BICC1: variants seen among roughly 807,000 people sequenced by gnomAD.
The protein encoded by BICC1 is protein bicaudal C homolog 1.
BICC1 carries 43 observed loss-of-function variants against 111.0 expected under a neutral mutation model. That is an observed-to-expected ratio of 0.39 (90% CI 0.30 to 0.50). The LOEUF (loss-of-function observed/expected upper bound fraction) is 0.50, where lower values mean the gene tolerates loss of function less well. Among genes scored for constraint, BICC1 ranks in the 20% least tolerant of loss-of-function variants. BICC1 has a pLI of 0.88. For synonymous variants in BICC1, 467 were observed against 434.4 expected (o/e 1.07, Z -0.93); for missense variants, 1,091 against 1,203.2 (o/e 0.91, Z 1.38).
intron 2 of BICC1, among the ~76,000 whole-genome samples, chr10:58,684,120 C>T (rs907745356): frequency 2.0e-5 from 3 of 152,190 alleles, no homozygotes; most frequent in East Asian, 1.9e-4. Context: ...TTTTCTGCAT[C>T]TGTTGAGATA....
intron 20 of BICC1, chr10:58,824,126 T>A: frequency 1.0e-6 from 1 of 982,244 alleles, no homozygotes; most frequent in Non-Finnish European, 1.2e-6. Flanking sequence ...CTCAGATTTG[T>A]ATTCCTGATG....
intron 1 of BICC1, among the ~76,000 whole-genome samples, chr10:58,604,239 C>T (rs182854654): frequency 9.2e-5 from 14 of 152,290 alleles, no homozygotes; most frequent in Admixed American, 2.0e-4. Flanking sequence ...ACTCCTGAGA[C>T]TTGCTACTGC....
At chr10:58,696,053 A>G (rs940588730) in intron 2 of BICC1, among the ~76,000 whole-genome samples, 1 of 152,190 alleles carries the variant, frequency 6.6e-6, no homozygotes, top group Admixed American at 6.6e-5. Context: ...TTGTAATTCT[A>G]GCTTTTGTAA....
chr10:58,544,335 A>C (rs1373494044), intron 1 of BICC1, among the ~76,000 whole-genome samples: 1 of 152,206 alleles, frequency 6.6e-6, no homozygotes, highest in Admixed American at 6.5e-5. Context: ...TGCCATAGTT[A>C]AGAATTGTAA....
intron 18 of BICC1, chr10:58,814,251 T>C: frequency 1.6e-6 from 1 of 609,352 alleles, no homozygotes; most frequent in Non-Finnish European, 2.9e-6. Flanking sequence ...TATCTCCTTG[T>C]GAAATTTGTG....
chr10:58,541,476 A>T (rs1156882242), intron 1 of BICC1, among the ~76,000 whole-genome samples: 1 of 152,136 alleles, frequency 6.6e-6, no homozygotes, highest in East Asian at 1.9e-4. Context: ...AGAATAAAAT[A>T]CTTAGGAATA....
intron 2 of BICC1, among the ~76,000 whole-genome samples, chr10:58,664,652 A>G (rs909189207): frequency 1.3e-5 from 2 of 149,384 alleles, no homozygotes; most frequent in South Asian, 2.1e-4. Context: ...CTTGAGGTCT[A>G]TTTCATTTGA....
chr10:58,601,140 T>TAATATA (rs1554810885), intron 1 of BICC1, among the ~76,000 whole-genome samples: 2,506 of 100,624 alleles, frequency 0.025, 195 homozygotes, highest in Non-Finnish European at 0.034. Context: ...ATTTTAAAAC[T>TAATATA]TATATATATA....
intron 2 of BICC1, among the ~76,000 whole-genome samples, chr10:58,627,336 G>T (rs1837663651): frequency 6.6e-6 from 1 of 152,152 alleles, no homozygotes; most frequent in Non-Finnish European, 1.5e-5. Flanking sequence ...CACTTGTAGT[G>T]CAAGTAACCA....
chr10:58,546,641 G>C (rs1456125253), intron 1 of BICC1, among the ~76,000 whole-genome samples: 1 of 152,082 alleles, frequency 6.6e-6, no homozygotes, highest in Non-Finnish European at 1.5e-5. Flanking sequence ...TGTAGTGAAT[G>C]GCTCTCATAG....
chr10:58,683,894 A>G (rs1839621610), intron 2 of BICC1, among the ~76,000 whole-genome samples: 1 of 152,226 alleles, frequency 6.6e-6, no homozygotes, highest in Admixed American at 6.5e-5. Flanking sequence ...TGCCCTGGCC[A>G]GAACTTCCAA....
At chr10:58,769,367 T>C (rs1029799109) in intron 3 of BICC1, among the ~76,000 whole-genome samples, 12 of 138,084 alleles carry the variant, frequency 8.7e-5, no homozygotes, top group Non-Finnish European at 1.7e-4. Context: ...GGTAATAGTT[T>C]TATAATGTAT....
chr10:58,730,756 C>T (rs1841264163), intron 3 of BICC1, among the ~76,000 whole-genome samples: 1 of 152,086 alleles, frequency 6.6e-6, no homozygotes, highest in Admixed American at 6.5e-5. Flanking sequence ...AAGCAGAGTC[C>T]TGAGTGGTAC....
intron 1 of BICC1, among the ~76,000 whole-genome samples, chr10:58,598,977 G>A (rs531600602): frequency 2.0e-5 from 3 of 152,286 alleles, no homozygotes; most frequent in Admixed American, 1.3e-4. Flanking sequence ...CAGTTAGAAT[G>A]GCGATCGTTA....
intron 3 of BICC1, among the ~76,000 whole-genome samples, chr10:58,781,477 T>A (rs1209582605): frequency 1.3e-5 from 2 of 152,190 alleles, no homozygotes; most frequent in African/African-American, 4.8e-5. Context: ...AATTTTTTTT[T>A]AAGAGTAAAT....
chr10:58,692,996 T>A (rs1839957236), intron 2 of BICC1, among the ~76,000 whole-genome samples: 1 of 152,176 alleles, frequency 6.6e-6, no homozygotes. Flanking sequence ...TATCTCCTAA[T>A]GCTATCCCTC....
intron 3 of BICC1, among the ~76,000 whole-genome samples, chr10:58,765,468 A>G (rs189720171): frequency 2.4e-4 from 36 of 152,310 alleles, no homozygotes; most frequent in African/African-American, 7.9e-4. Flanking sequence ...CATCTATCAA[A>G]CATGTTCTTT....
chr10:58,644,377 C>T (rs1018988720), intron 2 of BICC1, among the ~76,000 whole-genome samples: 2 of 152,212 alleles, frequency 1.3e-5, no homozygotes, highest in East Asian at 1.9e-4. Flanking sequence ...ATTCTTCTAC[C>T]TGAGACCCAG....
chr10:58,778,131 T>G (rs980007326), intron 3 of BICC1, among the ~76,000 whole-genome samples: 1 of 151,992 alleles, frequency 6.6e-6, no homozygotes, highest in Non-Finnish European at 1.5e-5. Context: ...GAGGATCGCT[T>G]GAGTCTGGGA....
Sources: gnomAD v4.1 joint callset for allele counts (sites outside exome capture counted in the v4.1 genomes callset) on GRCh38, gnomAD v4.1.1 for gene constraint, MANE v1.5 for transcripts, NCBI Gene and HGNC (gene_info 2026-07-23, HGNC 2026-07-21) for gene names.